Variants in COL14A1 observed in about 807,000 individuals in gnomAD.
COL14A1 encodes the protein collagen type XIV alpha 1 chain, also known as collagen alpha-1(XIV) chain.
A neutral mutation model predicts 230.3 loss-of-function variants in COL14A1; 136 were observed. That is an observed-to-expected ratio of 0.59 (90% CI 0.51 to 0.68). COL14A1 has a LOEUF of 0.68. Ranked by LOEUF, COL14A1 falls within the 30% of genes least tolerant of loss-of-function variation. The probability of loss-of-function intolerance (pLI) is 0.00; values close to 1 mark genes in which losing one functional copy is unlikely to be tolerated. For synonymous variants in COL14A1, 792 were observed against 784.1 expected (o/e 1.01, Z -0.17); for missense variants, 1,976 against 2,215.8 (o/e 0.89, Z 2.17).
At chr8:120,172,796 G>A (rs1045784784) in intron 5 of COL14A1, among the ~76,000 whole-genome samples, 12 of 152,152 alleles carry the variant, frequency 7.9e-5, no homozygotes, top group Non-Finnish European at 1.6e-4. Context: ...CTGTGAGGGT[G>A]CCTCCCTTAC....
Position 120,231,461 on chromosome 8 carries a change from T to C in COL14A1, c.2198-6T>C. Reference sequence around the variant, plus strand: ...GTTTTTTAATCCTTGGTTGTGTTTATTCCAGTTTTCCAGACGGGAATCAGA... The same window carrying C: ...GTTTTTTAATCCTTGGTTGTGTTTACTCCAGTTTTCCAGACGGGAATCAGA... On this transcript the variant is annotated splice_region_variant and splice_polypyrimidine_tract_variant and intron_variant, in intron 18 of 47. Coordinates refer to ENST00000297848, the MANE Select transcript of COL14A1 (RefSeq NM_021110.4). The C allele has an allele frequency of 6.2e-7, 1 of 1,612,734 alleles. No individual in the cohort carries two copies.
intron 10 of COL14A1, among the ~76,000 whole-genome samples, chr8:120,207,612 C>T (rs879272307): frequency 7.2e-5 from 11 of 152,234 alleles, no homozygotes; most frequent in Middle Eastern, 3.4e-3. Flanking sequence ...CCAACACAGG[C>T]GAGAACACCT....
At chr8:120,202,278 G>C (rs1817272890) in intron 8 of COL14A1, among the ~76,000 whole-genome samples, 1 of 152,108 alleles carries the variant, frequency 6.6e-6, no homozygotes, top group Non-Finnish European at 1.5e-5. Context: ...AAATTACTTG[G>C]AAATCAGCAG....
chr8:120,237,821 T>C (rs1259163065), intron 19 of COL14A1, among the ~76,000 whole-genome samples: 1 of 152,198 alleles, frequency 6.6e-6, no homozygotes, highest in East Asian at 1.9e-4. Context: ...TTGTTGATGT[T>C]GATGCTATTG....
At chr8:120,371,029 A>G in intron 47 of COL14A1, 123 bp from the exon 48 acceptor site, 2 of 1,031,548 alleles carry the variant, frequency 1.9e-6, no homozygotes, top group Non-Finnish European at 2.9e-6. Flanking sequence ...GTGGTGGATT[A>G]AGACATCCAC....
At chr8:120,345,596 T>C in intron 45 of COL14A1, 33 bp downstream of exon 45, 1 of 1,482,260 alleles carries the variant, frequency 6.7e-7, no homozygotes, top group Non-Finnish European at 8.9e-7. Flanking sequence ...GAGGAACTCC[T>C]CTGAGTTGGG....
At chr8:120,206,419 C>T (rs1214342192) in intron 9 of COL14A1, among the ~76,000 whole-genome samples, 7 of 152,154 alleles carry the variant, frequency 4.6e-5, no homozygotes, top group Non-Finnish European at 7.3e-5. Context: ...GGCACGATCT[C>T]GGCTCACTGC....
chr8:120,245,121 A>T (rs1392580276), intron 20 of COL14A1, among the ~76,000 whole-genome samples: 1 of 152,162 alleles, frequency 6.6e-6, no homozygotes, highest in African/African-American at 2.4e-5. Context: ...TTTTCTGGTC[A>T]TCCGGGTCTA....
At position 120,158,221 on chromosome 8, in the gene COL14A1, C is replaced by T. The variant is rs1815545982; in HGVS notation, c.180C>T (p.Tyr60=). 6.2e-7 allele frequency: 1 copy of T among 1,604,054 alleles called. No homozygotes were observed. Among genetic ancestry groups the T allele is most frequent in the Non-Finnish European group, 8.5e-7 (1 of 1,171,810 alleles). Residue 60 remains tyrosine, a synonymous_variant, in exon 3 of 48, where the codon TAC becomes TAT. Transcript: ENST00000297848. ...WKAPRGKFGG[Y]KLLVTPTSGG... is the part of the protein sequence containing the mutation. ...CTCCAAGAGGGAAATTTGGTGGTTACAAACTTCTTGTGACTCCAACTTCAG... is the reference window on the plus strand; with the variant it reads ...CTCCAAGAGGGAAATTTGGTGGTTATAAACTTCTTGTGACTCCAACTTCAG...
intron 11 of COL14A1, among the ~76,000 whole-genome samples, chr8:120,209,417 C>T (rs1004876568): frequency 1.6e-4 from 25 of 152,000 alleles, no homozygotes; most frequent in East Asian, 3.9e-4. Context: ...GGGGTGGGGA[C>T]GCAATCCAAG....
intron 45 of COL14A1, 74 bp from the exon 46 acceptor site, chr8:120,367,097 C>A: frequency 7.8e-7 from 1 of 1,274,536 alleles, no homozygotes; most frequent in Non-Finnish European, 1.1e-6. Flanking sequence ...CACTTTCGAA[C>A]TCCAGAAAAA....
chr8:120,187,702 T>G (rs956124157), intron 5 of COL14A1, among the ~76,000 whole-genome samples: 1 of 152,212 alleles, frequency 6.6e-6, no homozygotes, highest in African/African-American at 2.4e-5. Context: ...GTGCATTTAT[T>G]TGGGATGGAA....
At chr8:120,211,506 A>G in intron 12 of COL14A1, among the ~76,000 whole-genome samples, 1 of 152,214 alleles carries the variant, frequency 6.6e-6, no homozygotes, top group Non-Finnish European at 1.5e-5. Flanking sequence ...AGTAAGATAT[A>G]CATCAACCTT....
rs1240534186 is a variant in COL14A1, at chr8:120,197,797, A to T, written c.593-14A>T. The T allele has an allele frequency of 6.3e-7, 1 of 1,597,644 alleles. No individual in the cohort carries two copies. The highest frequency in any genetic ancestry group is 1.1e-5 in the South Asian group (1 of 87,926). On this transcript the variant is annotated splice_polypyrimidine_tract_variant and intron_variant, in intron 6 of 47. Coordinates refer to ENST00000297848, the MANE Select transcript of COL14A1 (RefSeq NM_021110.4). The stretch of plus-strand genomic sequence containing the variant: ...CCCATTATTCCTGGTGCGTTTCCTA[A>T]TCTTTTTTTCCAGGTCTTGCACAGT...
intron 19 of COL14A1, among the ~76,000 whole-genome samples, chr8:120,233,945 C>G (rs957024674): frequency 6.6e-6 from 1 of 152,138 alleles, no homozygotes; most frequent in African/African-American, 2.4e-5. Context: ...TCTAGCTATC[C>G]ATGAGCATGA....
intron 45 of COL14A1, among the ~76,000 whole-genome samples, chr8:120,347,873 C>A (rs1822577527): frequency 6.6e-6 from 1 of 151,694 alleles, no homozygotes; most frequent in Non-Finnish European, 1.5e-5. Context: ...GTACTATTAC[C>A]AGGCAGTGTA....
intron 9 of COL14A1, among the ~76,000 whole-genome samples, chr8:120,205,666 T>A (rs898482532): frequency 6.6e-6 from 1 of 152,158 alleles, no homozygotes; most frequent in African/African-American, 2.4e-5. Context: ...CTTGTGGGGC[T>A]GGGCTGGGCA....
rs79189640 is a variant in COL14A1 at position 120,221,442 on chromosome 8, T to C, written c.1738-3646T>C. Among the ~76,000 whole-genome samples, 987 of 152,260 alleles carry C rather than the reference T, an allele frequency of 6.5e-3. 4 individuals are homozygous for C. The highest frequency in any genetic ancestry group is 0.011 in the Non-Finnish European group (750 of 68,024). On this transcript the variant is annotated intron_variant, in intron 14 of 47. Coordinates refer to ENST00000297848, the MANE Select transcript of COL14A1 (RefSeq NM_021110.4). Reference sequence around the variant, plus strand: ...TTAACTAATATAAATAAATGATACCTAAAGGTCTTCATTAGATGAAGTAAA... The same window carrying C: ...TTAACTAATATAAATAAATGATACCCAAAGGTCTTCATTAGATGAAGTAAA...
intron 26 of COL14A1, among the ~76,000 whole-genome samples, chr8:120,274,888 A>T (rs1219812726): frequency 1.3e-5 from 2 of 151,628 alleles, no homozygotes; most frequent in African/African-American, 4.8e-5. Flanking sequence ...TCATGGATTG[A>T]AATAATTCTT....
Sources: allele counts gnomAD v4.1 joint callset (sites outside exome capture counted in the v4.1 genomes callset), GRCh38; gene constraint gnomAD v4.1.1; transcripts MANE v1.5; gene names NCBI Gene and HGNC (gene_info 2026-07-23, HGNC 2026-07-21).